FGD1: variants seen among roughly 807,000 people sequenced by gnomAD.
FGD1 encodes the protein FYVE, RhoGEF and PH domain containing 1.
Under a neutral mutation model 65.0 loss-of-function variants are expected in FGD1, and 12 were observed. The ratio of observed to expected loss-of-function variants is 0.18; its 90% CI spans 0.12 to 0.30. FGD1 has a LOEUF of 0.30. FGD1 is among the 10% of genes least tolerant of loss of function. FGD1 has a pLI of 1.00. For synonymous variants in FGD1, 333 were observed against 343.9 expected (o/e 0.97, Z 0.35); for missense variants, 542 against 837.6 (o/e 0.65, Z 4.36).
intron 1 of FGD1, among the ~76,000 whole-genome samples, chrX:54,472,114 C>A (rs1480311168): frequency 1.8e-5 from 2 of 109,580 alleles, no homozygotes; most frequent in Admixed American, 2.0e-4. Context: ...CCTGTCTCTA[C>A]AAAAAATATA....
At chrX:54,455,124 G>GT (rs1922467450) in intron 12 of FGD1, among the ~76,000 whole-genome samples, 1 of 112,533 alleles carries the variant, frequency 8.9e-6, no homozygotes, top group Non-Finnish European at 1.9e-5. Flanking sequence ...TATTATTCAT[G>GT]TTGGGTTTCA....
At chrX:54,485,724 G>T (rs1384451705) in intron 1 of FGD1, among the ~76,000 whole-genome samples, 2 of 110,729 alleles carry the variant, frequency 1.8e-5, no homozygotes, top group African/African-American at 6.6e-5. Context: ...TCCCCTATCA[G>T]CCTCCGAAAG....
intron 8 of FGD1, among the ~76,000 whole-genome samples, chrX:54,461,519 A>G (rs1922631118): frequency 1.0e-5 from 1 of 99,740 alleles, no homozygotes; most frequent in African/African-American, 3.6e-5. Flanking sequence ...CAGAATCGCT[A>G]GAACCAGGGA....
intron 4 of FGD1, among the ~76,000 whole-genome samples, chrX:54,469,086 G>A (rs1046363322): frequency 9.0e-6 from 1 of 110,874 alleles, no homozygotes; most frequent in African/African-American, 3.3e-5. Context: ...TTCTGATGAC[G>A]TGCACTCCCT....
chrX:54,469,672 T>C (rs1922837844), intron 4 of FGD1, among the ~76,000 whole-genome samples: 1 of 111,867 alleles, frequency 8.9e-6, no homozygotes, highest in Non-Finnish European at 1.9e-5. Context: ...AGTGCGATGG[T>C]GCCTTCTGAA....
At chrX:54,466,898 C>T (rs766852312) in intron 6 of FGD1, among the ~76,000 whole-genome samples, 4 of 108,187 alleles carry the variant, frequency 3.7e-5, no homozygotes, top group Non-Finnish European at 5.8e-5. Context: ...TACAGGCGCC[C>T]GCCACCATGC....
At chrX:54,480,457 G>T (rs2147440965) in intron 1 of FGD1, among the ~76,000 whole-genome samples, 1 of 111,248 alleles carries the variant, frequency 9.0e-6, no homozygotes, top group South Asian at 3.8e-4. Flanking sequence ...CTAGTATAAA[G>T]TGAGGAACTT....
chrX:54,450,374 A>T, intron 12 of FGD1, 73 bp from the exon 13 acceptor site: 2 of 1,053,162 alleles, frequency 1.9e-6, no homozygotes, highest in Non-Finnish European at 2.7e-6. Flanking sequence ...GTGGAAGAGC[A>T]GGTGTTTTGG....
At chrX:54,461,418 T>C (rs1922626724) in intron 8 of FGD1, among the ~76,000 whole-genome samples, 2 of 106,936 alleles carry the variant, frequency 1.9e-5, no homozygotes, top group Admixed American at 1.0e-4. Flanking sequence ...TTGGCCAAGA[T>C]GGTGAAACCC....
chrX:54,445,993 G>A lies in FGD1; in HGVS notation c.*116C>T, dbSNP rs1175850817. ...CAAGACCCAGCATTCGGGATTGAAA[G>A]TGCCCGTGATGGGAGTTCAAGTATT... is the stretch of plus-strand genomic sequence containing the variant. On this transcript the variant is annotated 3_prime_UTR_variant, in exon 18 of 18. Transcript: ENST00000375135. The A allele has an allele frequency of 3.8e-6, 2 of 529,200 alleles. No individual in the cohort carries two copies. The highest frequency in any genetic ancestry group is 6.2e-6 in the Non-Finnish European group (2 of 325,193). The allele number at this position is 529,200 out of a possible 1,213,427, so 43.6% of individuals were successfully genotyped here.
chrX:54,468,757 G>C (rs375223955), intron 5 of FGD1, 30 bp downstream of exon 5: 2 of 1,070,391 alleles, frequency 1.9e-6, no homozygotes, highest in Non-Finnish European at 2.6e-6. Context: ...CAAGGTCCTG[G>C]GGCCCTCGTA....
In FGD1 at chrX:54,446,139, G is replaced by A. The variant is rs748341379; in HGVS notation, c.2856C>T (p.Pro952=). The part of the protein sequence containing the change: ...VAALGATAEP[P]ESPQTRDKT Reference sequence around the variant, plus strand: ...TCTTGTCTCGGGTCTGGGGGGATTCGGGGGGTTCAGCAGTGGCTCCTAAAG... The same window carrying A: ...TCTTGTCTCGGGTCTGGGGGGATTCAGGGGGTTCAGCAGTGGCTCCTAAAG... Residue 952 remains proline (P), a synonymous_variant, in exon 18 of 18, where the codon CCC becomes CCT. Coordinates refer to ENST00000375135, the MANE Select transcript of FGD1 (RefSeq NM_004463.3). 12 of 1,207,095 alleles carry A rather than the reference G, an allele frequency of 9.9e-6. No homozygotes were observed. The highest frequency in any genetic ancestry group is 2.3e-4 in the Middle Eastern group (1 of 4,285).
At position 54,445,843 on chromosome X, in the gene FGD1, T is replaced by G. The variant is rs1292676757; in HGVS notation, c.*266A>C. The G allele has an allele frequency of 2.8e-6, 1 of 354,839 alleles. No individual in the cohort carries two copies. Among genetic ancestry groups the G allele is most frequent in the Non-Finnish European group, 4.8e-6 (1 of 207,943 alleles). 29.2% of individuals were successfully genotyped at this position (354,839 alleles called of 1,213,427 possible). A position where few individuals can be genotyped will look rare whatever the true frequency, so the allele number is the denominator to read the frequency against. ...TGAGGGATGAGGGAGAAAAACGACC[T>G]AATTCAGGTAGGACTGGCAACGGCT... On this transcript the variant is annotated 3_prime_UTR_variant, in exon 18 of 18. Transcript: ENST00000375135.
chrX:54,474,209 A>C (rs903741322), intron 1 of FGD1, among the ~76,000 whole-genome samples: 21 of 111,798 alleles, frequency 1.9e-4, no homozygotes, highest in Non-Finnish European at 3.4e-4. Context: ...GAATACACAC[A>C]CTGTGGGACA....
chrX:54,478,122 C>A (rs5961073), intron 1 of FGD1, among the ~76,000 whole-genome samples: 17,294 of 110,233 alleles, frequency 0.16, 2,226 homozygotes, highest in African/African-American at 0.44. Flanking sequence ...CGTCTAAAAA[C>A]AAAATGACTT....
intron 1 of FGD1, among the ~76,000 whole-genome samples, chrX:54,492,470 C>T (rs928197150): frequency 1.1e-4 from 12 of 111,333 alleles, no homozygotes; most frequent in African/African-American, 3.9e-4. Flanking sequence ...CTCTTACACA[C>T]ACACCCTACA....
chrX:54,462,389 CTTT>C (rs1158349272), intron 8 of FGD1, among the ~76,000 whole-genome samples: 1 of 79,575 alleles, frequency 1.3e-5, no homozygotes. Context: ...ACTTCCCATT[CTTT>C]TTTTTTTTTT....
At chrX:54,469,146 G>C (rs1380922735) in intron 4 of FGD1, among the ~76,000 whole-genome samples, 2 of 111,772 alleles carry the variant, frequency 1.8e-5, no homozygotes, top group African/African-American at 6.5e-5. Context: ...GCAGAGTGTA[G>C]TGGTTAAGCA....
chrX:54,455,865 G>T, intron 10 of FGD1, 81 bp from the exon 11 acceptor site: 2 of 833,789 alleles, frequency 2.4e-6, no homozygotes, highest in Non-Finnish European at 3.5e-6. Context: ...AAGCTTTACT[G>T]CCAAGGACTG....
Sources: gnomAD v4.1 joint callset for allele counts (sites outside exome capture counted in the v4.1 genomes callset) on GRCh38, gnomAD v4.1.1 for gene constraint, MANE v1.5 for transcripts, NCBI Gene and HGNC (gene_info 2026-07-23, HGNC 2026-07-21) for gene names.